The following TENT5D variants were observed in gnomAD, a reference collection of about 807,000 sequenced individuals.
TENT5D encodes terminal nucleotidyltransferase 5D.
For synonymous variants in TENT5D, 103 were observed against 100.6 expected (o/e 1.02, Z -0.15); for missense variants, 191 against 287.0 (o/e 0.67, Z 2.42).
At chrX:80,384,159 G>A (rs1410042332) in intron 3 of TENT5D, among the ~76,000 whole-genome samples, 5 of 102,331 alleles carry the variant, frequency 4.9e-5, no homozygotes, top group African/African-American at 1.4e-4. Flanking sequence ...GATGAACATC[G>A]ATGCAAAAAT....
chrX:80,363,308 A>T (rs1172143956), intron 3 of TENT5D, among the ~76,000 whole-genome samples: 1 of 111,734 alleles, frequency 8.9e-6, no homozygotes, highest in Non-Finnish European at 1.9e-5. Context: ...AACACATTGA[A>T]TATAAAAACC....
chrX:80,408,524 TAC>T (rs1206739107), intron 3 of TENT5D, among the ~76,000 whole-genome samples: 3 of 109,225 alleles, frequency 2.7e-5, no homozygotes, highest in Admixed American at 9.7e-5. Context: ...CCTCGACACA[TAC>T]ACTCTCCCAA....
chrX:80,402,749 A>C (rs1931410931), intron 3 of TENT5D, among the ~76,000 whole-genome samples: 1 of 112,014 alleles, frequency 8.9e-6, no homozygotes, highest in African/African-American at 3.2e-5. Flanking sequence ...TGGAAAAGTT[A>C]CTTGATATGA....
rs1237115223 is a variant in TENT5D, at chrX:80,383,941, A to C, written c.-142+41377A>C. 2.7e-5 allele frequency among the ~76,000 whole-genome samples: 3 copies of C among 111,357 alleles called. No homozygotes were observed. In the Admixed American group the frequency reaches 2.9e-4, roughly 11 times the overall value. On this transcript the variant is annotated intron_variant, in intron 3 of 4. Transcript: ENST00000538312. Reference sequence around the variant, plus strand: ...TAATTAATAGCTTACCAACCAAAAAAAGTCCAGGACCAGATGGATTCACAG... The same window carrying C: ...TAATTAATAGCTTACCAACCAAAAACAGTCCAGGACCAGATGGATTCACAG...
In TENT5D at chrX:80,384,880, C is replaced by A. The variant is rs181214135; in HGVS notation, c.-142+42316C>A. On this transcript the variant is annotated intron_variant, in intron 3 of 4. Transcript: ENST00000538312. ...AACTTACAAGGGATGTGAAGGACCT[C>A]TTCAAGGAGAACTACAAACCACTGC... Among the ~76,000 whole-genome samples the A allele has an allele frequency of 4.7e-3, 515 of 110,288 alleles. 7 individuals carry two copies. Among genetic ancestry groups the A allele is most frequent in the African/African-American group, 0.016 (488 of 30,285 alleles).
chrX:80,343,369 T>G (rs1929996868), intron 3 of TENT5D, among the ~76,000 whole-genome samples: 1 of 109,770 alleles, frequency 9.1e-6, no homozygotes, highest in Admixed American at 9.8e-5. Context: ...ATAACTTTCT[T>G]TAGGACCAGG....
chrX:80,372,186 G>T (rs749949994), intron 3 of TENT5D, among the ~76,000 whole-genome samples: 20 of 111,278 alleles, frequency 1.8e-4, no homozygotes, highest in African/African-American at 6.2e-4. Context: ...ATTAAGTATG[G>T]TTTAAGGAGA....
At chrX:80,397,888 A>T (rs999056438) in intron 3 of TENT5D, among the ~76,000 whole-genome samples, 14 of 111,718 alleles carry the variant, frequency 1.3e-4, no homozygotes, top group African/African-American at 4.5e-4. Flanking sequence ...AGTACAGTCC[A>T]GCTTCGGCTC....
chrX:80,344,346 C>A (rs1421039323), intron 3 of TENT5D, among the ~76,000 whole-genome samples: 1 of 110,893 alleles, frequency 9.0e-6, no homozygotes, highest in East Asian at 2.8e-4. Context: ...AATGGTAGTT[C>A]TGTGTTAAAG....
At chrX:80,381,214 AT>A (rs1930859543) in intron 3 of TENT5D, among the ~76,000 whole-genome samples, 1 of 111,194 alleles carries the variant, frequency 9.0e-6, no homozygotes, top group Non-Finnish European at 1.9e-5. Flanking sequence ...CCCTTCACTT[AT>A]GAAGCTTAGT....
intron 3 of TENT5D, among the ~76,000 whole-genome samples, chrX:80,383,942 A>C (rs1176427554): frequency 9.0e-6 from 1 of 111,519 alleles, no homozygotes; most frequent in Admixed American, 9.5e-5. Context: ...AACCAAAAAA[A>C]GTCCAGGACC....
intron 1 of TENT5D, among the ~76,000 whole-genome samples, chrX:80,427,176 A>G (rs1481661945): frequency 8.9e-6 from 1 of 111,826 alleles, no homozygotes; most frequent in East Asian, 2.8e-4. Context: ...TACATGTTAT[A>G]ATGGTAACTC....
rs766216677 is a variant in TENT5D at position 80,379,372 on chromosome X, A to G, written c.-142+36808A>G. 7.3e-5 allele frequency among the ~76,000 whole-genome samples: 8 copies of G among 109,777 alleles called. No individual in the cohort carries two copies. In the East Asian group the frequency reaches 1.4e-3, roughly 20 times the overall value. ...TGCCAGTATTTTATTGAGGATTTTC[A>G]TATCGCTATTCATCAGGGATATTGG... On this transcript the variant is annotated intron_variant, in intron 3 of 4. Coordinates refer to the TENT5D transcript ENST00000538312.
chrX:80,411,257 A>T (rs1186783418), intron 3 of TENT5D, among the ~76,000 whole-genome samples: 1 of 111,635 alleles, frequency 9.0e-6, no homozygotes, highest in Non-Finnish European at 1.9e-5. Flanking sequence ...AAAAAAAAGA[A>T]AGAAAATTTC....
intron 3 of TENT5D, among the ~76,000 whole-genome samples, chrX:80,411,245 A>G: frequency 9.4e-6 from 1 of 105,961 alleles, no homozygotes; most frequent in Non-Finnish European, 1.9e-5. Context: ...AAAGTATAAT[A>G]AAAAAAAAAG....
intron 3 of TENT5D, among the ~76,000 whole-genome samples, chrX:80,376,326 A>G (rs772714132): frequency 8.9e-6 from 1 of 111,756 alleles, no homozygotes; most frequent in Non-Finnish European, 1.9e-5. Context: ...AATAGTATAT[A>G]CATAAAAATA....
At chrX:80,348,834 A>G (rs1281755799) in intron 3 of TENT5D, among the ~76,000 whole-genome samples, 3 of 112,034 alleles carry the variant, frequency 2.7e-5, no homozygotes, top group Non-Finnish European at 3.8e-5. Context: ...GATATGTTCC[A>G]TCAATACCAA....
intron 1 of TENT5D, 67 bp downstream of exon 1, chrX:80,420,630 G>A (rs767411659): frequency 2.7e-5 from 3 of 111,676 alleles, no homozygotes; most frequent in Non-Finnish European, 5.6e-5. Flanking sequence ...CAAAATTGAC[G>A]TTTAATTTAT....
intron 3 of TENT5D, among the ~76,000 whole-genome samples, chrX:80,405,393 G>T (rs1300387308): frequency 1.8e-5 from 2 of 112,362 alleles, no homozygotes; most frequent in Non-Finnish European, 3.8e-5. Context: ...GTCAGTGGGT[G>T]CACGCACCGT....
Sources: gnomAD v4.1 joint callset for allele counts (sites outside exome capture counted in the v4.1 genomes callset) on GRCh38, gnomAD v4.1.1 for gene constraint, MANE v1.5 for transcripts, NCBI Gene and HGNC (gene_info 2026-07-23, HGNC 2026-07-21) for gene names.